Variants in EIF4G3 observed in about 807,000 individuals in gnomAD.
EIF4G3 encodes eukaryotic translation initiation factor 4 gamma 3.
EIF4G3 carries 34 observed loss-of-function variants against 186.4 expected under a neutral mutation model. The ratio of observed to expected loss-of-function variants is 0.18; its 90% CI spans 0.14 to 0.24. EIF4G3 has a LOEUF of 0.24. Among genes scored for constraint, EIF4G3 ranks in the 10% least tolerant of loss-of-function variants. EIF4G3 has a pLI of 1.00. For missense variants in EIF4G3, 1,536 were observed against 1,948.5 expected (o/e 0.79, Z 3.99); for synonymous variants, 673 against 679.5 (o/e 0.99, Z 0.15).
At chr1:20,878,016 G>C (rs1044866419) in intron 20 of EIF4G3, among the ~76,000 whole-genome samples, 1 of 151,892 alleles carries the variant, frequency 6.6e-6, no homozygotes, top group Admixed American at 6.6e-5. Flanking sequence ...GCTAATTTTT[G>C]TTACCACACC....
chr1:21,038,393 T>C (rs765945005), intron 4 of EIF4G3, among the ~76,000 whole-genome samples: 3 of 152,222 alleles, frequency 2.0e-5, no homozygotes, highest in Non-Finnish European at 4.4e-5. Context: ...CTCCACTTCC[T>C]ACTTCAATGG....
intron 14 of EIF4G3, among the ~76,000 whole-genome samples, chr1:20,916,290 CA>C (rs1417978137): frequency 2.0e-5 from 3 of 151,748 alleles, no homozygotes; most frequent in Admixed American, 6.6e-5. Context: ...ACTAAAAATA[CA>C]AAAAATTAGC....
chr1:20,969,396 G>A, intron 12 of EIF4G3, 78 bp downstream of exon 12: 2 of 1,524,674 alleles, frequency 1.3e-6, no homozygotes, highest in Non-Finnish European at 9.0e-7. Flanking sequence ...AGTACAGAAA[G>A]TGGCTATAGA....
At chr1:20,900,091 G>T in intron 15 of EIF4G3, 148 bp from the exon 16 acceptor site, 1 of 843,618 alleles carries the variant, frequency 1.2e-6, no homozygotes, top group Non-Finnish European at 1.8e-6. Flanking sequence ...TTAGAATGCT[G>T]AGTTTAAAAA....
intron 2 of EIF4G3, among the ~76,000 whole-genome samples, chr1:21,168,732 A>C (rs2097903879): frequency 6.6e-6 from 1 of 152,126 alleles, no homozygotes; most frequent in African/African-American, 2.4e-5. Flanking sequence ...GGCCAAAAAA[A>C]GTACTTTTCA....
At chr1:20,833,383 G>GGA (rs2065856694) in intron 30 of EIF4G3, among the ~76,000 whole-genome samples, 1 of 152,146 alleles carries the variant, frequency 6.6e-6, no homozygotes, top group Non-Finnish European at 1.5e-5. Context: ...ATTGTGAATG[G>GGA]GAGTTCACTC....
rs1237406120 is a variant in EIF4G3 at position 20,825,257 on chromosome 1, A to AG, written c.4270-60_4270-59insC. ...CACAGTGGAAGAAGAAACAGAAAAA[A>AG]AAAAAAAAAAAAAGATTTGCTTGAA... On this transcript the variant is annotated intron_variant, in intron 32 of 36. Coordinates refer to ENST00000602326, the MANE Select transcript of EIF4G3 (RefSeq NM_001391906.1). The AG allele has an allele frequency of 2.3e-5, 28 of 1,192,980 alleles. No homozygotes were observed. The East Asian group carries it at 6.9e-4, about 29-fold the overall frequency. The allele number at this position is 1,192,980 out of a possible 1,614,324, so 73.9% of individuals were successfully genotyped here. A position where few individuals can be genotyped will look rare whatever the true frequency, so the allele number is the denominator to read the frequency against.
At chr1:20,961,211 C>T (rs760894558) in intron 12 of EIF4G3, among the ~76,000 whole-genome samples, 11 of 151,856 alleles carry the variant, frequency 7.2e-5, no homozygotes, top group African/African-American at 2.7e-4. Flanking sequence ...GGTGAAACCC[C>T]GTCTCTACTA....
rs575152743 is a variant in EIF4G3 at position 20,826,419 on chromosome 1, G to A, written c.4269+1198C>T. Among the ~76,000 whole-genome samples, 3 of 150,632 alleles carry A rather than the reference G, an allele frequency of 2.0e-5. No individual in the cohort carries two copies. In the East Asian group the frequency reaches 5.9e-4, roughly 29 times the overall value. ...TGACCTCAAGTGATCCACCCGCCTC[G>A]GCCTCCCAAAGTGCTGGGATTACAG... On this transcript the variant is annotated intron_variant, in intron 32 of 36. Coordinates refer to ENST00000602326, the MANE Select transcript of EIF4G3 (RefSeq NM_001391906.1).
At chr1:20,919,235 G>T (rs1179558274) in intron 14 of EIF4G3, among the ~76,000 whole-genome samples, 3 of 151,896 alleles carry the variant, frequency 2.0e-5, no homozygotes, top group Admixed American at 1.3e-4. Context: ...TTTAGACAGG[G>T]TCTCACTTAG....
intron 7 of EIF4G3, among the ~76,000 whole-genome samples, chr1:20,995,499 G>GT (rs112204404): frequency 1.1e-3 from 165 of 152,110 alleles, no homozygotes; most frequent in African/African-American, 3.9e-3. Flanking sequence ...AGCCTCCCAA[G>GT]TAACTGGGAT....
chr1:20,898,522 C>A (rs2089204152), intron 16 of EIF4G3, among the ~76,000 whole-genome samples: 1 of 152,032 alleles, frequency 6.6e-6, no homozygotes, highest in African/African-American at 2.4e-5. Context: ...ATGTAATAGA[C>A]TGACATTTTT....
At chr1:20,826,611 T>G (rs766870647) in intron 32 of EIF4G3, among the ~76,000 whole-genome samples, 6 of 142,806 alleles carry the variant, frequency 4.2e-5, no homozygotes, top group Middle Eastern at 3.8e-3. Flanking sequence ...TGCCTCAGCC[T>G]CCTAAGTAGC....
At chr1:20,974,907 A>G (rs2135638) in intron 10 of EIF4G3, among the ~76,000 whole-genome samples, 78 of 152,332 alleles carry the variant, frequency 5.1e-4, no homozygotes, top group African/African-American at 1.7e-3. Flanking sequence ...GTACGAGGGT[A>G]GTTCACACAG....
At chr1:20,934,150 A>G (rs1410514504) in intron 14 of EIF4G3, among the ~76,000 whole-genome samples, 1 of 152,218 alleles carries the variant, frequency 6.6e-6, no homozygotes, top group African/African-American at 2.4e-5. Context: ...AAAGAGACCA[A>G]TAGTGGTAAA....
intron 3 of EIF4G3, among the ~76,000 whole-genome samples, chr1:21,070,778 C>A (rs1214570079): frequency 6.6e-6 from 1 of 152,128 alleles, no homozygotes; most frequent in Non-Finnish European, 1.5e-5. Flanking sequence ...CAAAGGTAAA[C>A]TGACATTCCA....
intron 2 of EIF4G3, among the ~76,000 whole-genome samples, chr1:21,153,707 G>A (rs2097585426): frequency 6.6e-6 from 1 of 152,092 alleles, no homozygotes; most frequent in East Asian, 1.9e-4. Flanking sequence ...TGGGATTATA[G>A]GTATGTGCCA....
At chr1:21,115,283 T>C (rs1266608458) in intron 2 of EIF4G3, among the ~76,000 whole-genome samples, 1 of 152,166 alleles carries the variant, frequency 6.6e-6, no homozygotes, top group East Asian at 1.9e-4. Context: ...AATTTCAATA[T>C]ATCTCAGGAA....
intron 2 of EIF4G3, among the ~76,000 whole-genome samples, chr1:21,096,681 T>C (rs769310862): frequency 8.5e-5 from 13 of 152,164 alleles, no homozygotes; most frequent in African/African-American, 3.1e-4. Context: ...TAATAATAGG[T>C]GAGCTACATA....
Sources: allele counts gnomAD v4.1 joint callset (sites outside exome capture counted in the v4.1 genomes callset), GRCh38; gene constraint gnomAD v4.1.1; transcripts MANE v1.5; gene names NCBI Gene and HGNC (gene_info 2026-07-23, HGNC 2026-07-21).